The following OFD1 variants were observed in gnomAD, a reference collection of about 807,000 sequenced individuals.
OFD1 encodes centriole and centriolar satellite protein OFD1.
A neutral mutation model predicts 81.4 loss-of-function variants in OFD1; 12 were observed. The observed-to-expected ratio is 0.15, with a 90% CI of 0.09 to 0.24. The LOEUF (loss-of-function observed/expected upper bound fraction) is 0.24, where lower values mean the gene tolerates loss of function less well. OFD1 is among the 10% of genes least tolerant of loss of function. The pLI, the probability that OFD1 is intolerant of heterozygous loss-of-function variation, is 1.00. For missense variants in OFD1, 685 were observed against 733.9 expected, an observed-to-expected ratio of 0.93 and a Z score of 0.77; for synonymous variants, 256 against 263.7, an observed-to-expected ratio of 0.97 and a Z score of 0.28.
At chrX:13,757,324 G>C (rs759752767) in intron 13 of OFD1, among the ~76,000 whole-genome samples, 1 of 112,204 alleles carries the variant, frequency 8.9e-6, no homozygotes, top group East Asian at 2.8e-4. Flanking sequence ...TCCCAGGGCT[G>C]TCATCAACAG....
In OFD1 at chrX:13,756,660, G is replaced by A. The variant is rs750227746; in HGVS notation, c.1304G>A (p.Ser435Asn). The change falls in exon 13 of 23, where the codon AGT (serine) becomes AAT (asparagine). Residue 435 changes from serine to asparagine, a missense_variant. By Grantham distance (46) the Ser-to-Asn change is conservative. Coordinates refer to ENST00000340096, the MANE Select transcript of OFD1 (RefSeq NM_003611.3). ...HMLNEKVKEM[S>N]DYSLLKEEKL... The stretch of plus-strand genomic sequence containing the variant: ...CTGAATGAAAAGGTTAAAGAGATGA[G>A]TGATTATTCACTACTAAAAGAAGAG... 8.3e-7 allele frequency: 1 copy of A among 1,200,129 alleles called. No individual in the cohort carries two copies. Among genetic ancestry groups the A allele is most frequent in the Non-Finnish European group, 1.1e-6 (1 of 886,813 alleles).
At chrX:13,716,431 CTG>C in the OFD1 span, 3 of 1,005,758 alleles carry the variant, frequency 3.0e-6, no homozygotes, top group Admixed American at 2.5e-5. Flanking sequence ...TTTCACCTGA[CTG>C]TGAAGTCTAC....
At chrX:13,732,339 T>G (rs1421799501), upstream of OFD1, among the ~76,000 whole-genome samples, 2 of 111,750 alleles carry the variant, frequency 1.8e-5, no homozygotes, top group Non-Finnish European at 3.8e-5. Context: ...AGGGGAGACC[T>G]TTTTGGGGTG....
chrX:13,770,023 T>G (rs1446826243), downstream of OFD1, among the ~76,000 whole-genome samples: 1 of 111,975 alleles, frequency 8.9e-6, no homozygotes, highest in African/African-American at 3.2e-5. Flanking sequence ...TGGGCGTATT[T>G]CCTTTGTTTT....
chrX:13,753,836 A>G (rs2047595959), intron 11 of OFD1, among the ~76,000 whole-genome samples: 1 of 111,866 alleles, frequency 8.9e-6, no homozygotes, highest in South Asian at 3.6e-4. Context: ...TCTGTGACCT[A>G]GTTTCTTATT....
chrX:13,734,787 C>A lies in OFD1; in HGVS notation c.-285C>A. On this transcript the variant is annotated 5_prime_UTR_variant, in exon 1 of 23. Transcript: ENST00000340096. ...GGTCCTGCCTCGCTGCCTTCAGTCC[C>A]TAGTGTCTGGGTCCCCGCCCTCCAG... 2 of 1,070,944 alleles carry A rather than the reference C, an allele frequency of 1.9e-6. No homozygotes were observed. Among genetic ancestry groups the A allele is most frequent in the Non-Finnish European group, 2.4e-6 (2 of 832,811 alleles). 88.3% of individuals were successfully genotyped at this position (1,070,944 alleles called of 1,213,427 possible). A position where few individuals can be genotyped will look rare whatever the true frequency, so the allele number is the denominator to read the frequency against.
chrX:13,770,394 G>A (rs1488570156), downstream of OFD1, among the ~76,000 whole-genome samples: 2 of 112,196 alleles, frequency 1.8e-5, no homozygotes, highest in Non-Finnish European at 3.8e-5. Flanking sequence ...TAGTGACAAA[G>A]GCTGGGCCTC....
rs1295865342 is a variant in OFD1, at chrX:13,734,801, C to T, written c.-271C>T. 9 of 1,072,715 alleles carry T rather than the reference C, an allele frequency of 8.4e-6. No individual in the cohort carries two copies. The East Asian group carries it at 1.7e-4, about 20-fold the overall frequency. 88.4% of individuals were successfully genotyped at this position (1,072,715 alleles called of 1,213,427 possible). On this transcript the variant is annotated 5_prime_UTR_variant, in exon 1 of 23. Coordinates refer to ENST00000340096, the MANE Select transcript of OFD1 (RefSeq NM_003611.3). ...GCCTTCAGTCCCTAGTGTCTGGGTC[C>T]CCGCCCTCCAGCCGCCTTTGAGTCG...
intron 15 of OFD1, among the ~76,000 whole-genome samples, chrX:13,759,624 A>T (rs1184681393): frequency 1.8e-5 from 2 of 112,074 alleles, no homozygotes; most frequent in African/African-American, 6.5e-5. Flanking sequence ...TCACTTCCTT[A>T]TATGAAACTC....
At chrX:13,739,179 C>T (rs1338300064) in intron 5 of OFD1, 147 bp downstream of exon 5, 3 of 490,655 alleles carry the variant, frequency 6.1e-6, no homozygotes, top group Non-Finnish European at 6.8e-6. Flanking sequence ...CCTATATTTC[C>T]ATTTTTGTAA....
the OFD1 span, among the ~76,000 whole-genome samples, chrX:13,714,860 T>C: frequency 8.9e-6 from 1 of 112,260 alleles, no homozygotes; most frequent in Admixed American, 9.4e-5. Flanking sequence ...AAATCTGCCA[T>C]GTGCTCAGAG....
At chrX:13,745,875 C>T (rs763636552) in intron 6 of OFD1, among the ~76,000 whole-genome samples, 45 of 111,969 alleles carry the variant, frequency 4.0e-4, no homozygotes, top group Non-Finnish European at 8.1e-4. Context: ...GGTTGATATA[C>T]GTGATCTTTG....
the OFD1 span, among the ~76,000 whole-genome samples, chrX:13,725,091 G>T: frequency 1.8e-5 from 2 of 113,063 alleles, no homozygotes; most frequent in Non-Finnish European, 3.7e-5. Flanking sequence ...TAAACAAGTG[G>T]CCAGGAAGCT....
At chrX:13,755,739 TCTTTA>T (rs1231296797) in intron 12 of OFD1, among the ~76,000 whole-genome samples, 4 of 111,524 alleles carry the variant, frequency 3.6e-5, no homozygotes, top group African/African-American at 1.3e-4. Context: ...TATCATTGCT[TCTTTA>T]CTTTTCTGTT....
In OFD1 at chrX:13,746,496, T is replaced by C. The variant is rs370365975; in HGVS notation, c.654+41T>C. Reference sequence around the variant, plus strand: ...TTACTGTAAACAAGAGTGATGTTTTTGTTTGTCTTCTAAAGTCTTAACCAT... The same window carrying C: ...TTACTGTAAACAAGAGTGATGTTTTCGTTTGTCTTCTAAAGTCTTAACCAT... On this transcript the variant is annotated intron_variant, in intron 7 of 22. Transcript: ENST00000340096. 114 of 1,183,484 alleles carry C rather than the reference T, an allele frequency of 9.6e-5. No individual in the cohort carries two copies. The African/African-American group carries it at 1.9e-3, about 20-fold the overall frequency.
chrX:13,723,942 T>A, the OFD1 span, among the ~76,000 whole-genome samples: 3 of 111,414 alleles, frequency 2.7e-5, no homozygotes, highest in African/African-American at 9.8e-5. Context: ...GTGGACCCAA[T>A]GTCATGACAA....
intron 3 of OFD1, among the ~76,000 whole-genome samples, chrX:13,736,954 A>G (rs2046890752): frequency 8.9e-6 from 1 of 112,437 alleles, no homozygotes; most frequent in African/African-American, 3.2e-5. Flanking sequence ...TCTATCCTCT[A>G]TCTTGTCTAA....
Position 13,743,026 on chromosome X carries a change from A to G in OFD1, c.413-1389A>G, listed in dbSNP as rs144911085. 5.6e-4 allele frequency among the ~76,000 whole-genome samples: 63 copies of G among 112,193 alleles called. 1 individual carries two copies. In the East Asian group the frequency reaches 9.5e-3, roughly 17 times the overall value. On this transcript the variant is annotated intron_variant, in intron 5 of 22. Transcript: ENST00000340096. ...GCTAACTACTGTTTTTAGTTCCAAG[A>G]AACTAAACATTTCTTAAGTAATTTA...
At chrX:13,740,812 A>G (rs942357405) in intron 5 of OFD1, among the ~76,000 whole-genome samples, 1 of 105,349 alleles carries the variant, frequency 9.5e-6, no homozygotes, top group Non-Finnish European at 1.9e-5. Flanking sequence ...AAAAAAATCT[A>G]TGTAGTTACT....
Sources: allele counts gnomAD v4.1 joint callset (sites outside exome capture counted in the v4.1 genomes callset), GRCh38; gene constraint gnomAD v4.1.1; transcripts MANE v1.5; gene names NCBI Gene and HGNC (gene_info 2026-07-23, HGNC 2026-07-21).